Variants in PPP1R12B observed in about 807,000 individuals in gnomAD.
The protein encoded by PPP1R12B is protein phosphatase 1 regulatory subunit 12B.
A neutral mutation model predicts 126.1 loss-of-function variants in PPP1R12B; 76 were observed. The ratio of observed to expected loss-of-function variants is 0.60; its 90% CI spans 0.50 to 0.73. The LOEUF is 0.73. PPP1R12B is among the 30% of genes least tolerant of loss of function. The pLI is 0.00. For synonymous variants in PPP1R12B, 356 were observed against 434.7 expected (o/e 0.82, Z 2.25); for missense variants, 1,052 against 1,205.1 (o/e 0.87, Z 1.88).
chr1:202,507,648 T>G (rs914296804), intron 18 of PPP1R12B, among the ~76,000 whole-genome samples: 3 of 152,242 alleles, frequency 2.0e-5, no homozygotes, highest in Non-Finnish European at 4.4e-5. Flanking sequence ...CATTGTCAAC[T>G]TGAGCATTCC....
intron 18 of PPP1R12B, among the ~76,000 whole-genome samples, chr1:202,532,358 G>A (rs1684047168): frequency 6.6e-6 from 1 of 152,170 alleles, no homozygotes; most frequent in African/African-American, 2.4e-5. Context: ...CTGACCTCCT[G>A]TCTCATCCTG....
chr1:202,498,082 T>G (rs1679787892), intron 18 of PPP1R12B, among the ~76,000 whole-genome samples: 1 of 152,214 alleles, frequency 6.6e-6, no homozygotes, highest in African/African-American at 2.4e-5. Context: ...CAGTGAAAAT[T>G]CTATTCTCTA....
intron 18 of PPP1R12B, among the ~76,000 whole-genome samples, chr1:202,515,094 A>G (rs1558321285): frequency 2.6e-5 from 4 of 152,198 alleles, no homozygotes; most frequent in African/African-American, 7.2e-5. Context: ...CTAAGTGATG[A>G]GAACTTATGA....
Position 202,348,882 on chromosome 1 carries a change from C to T in PPP1R12B, c.31C>T (p.Arg11Trp), listed in dbSNP as rs974924403. The T allele has an allele frequency of 1.2e-6, 2 of 1,610,284 alleles. No homozygotes were observed. Among genetic ancestry groups the T allele is most frequent in the East Asian group, 2.2e-5 (1 of 44,848 alleles). The change falls in exon 1 of 24, where the codon CGG (arginine) becomes TGG (tryptophan). Residue 11 changes from arginine to tryptophan, a missense_variant. Coordinates refer to ENST00000608999, the MANE Select transcript of PPP1R12B (RefSeq NM_002481.4). MAELEHLGGKRAESARMRRAE... is the reference protein window; with the variant it reads MAELEHLGGKWAESARMRRAE... Reference sequence around the variant, plus strand: ...GGAACTGGAGCACCTAGGAGGGAAGCGGGCAGAGTCGGCGCGAATGCGGCG... The same window carrying T: ...GGAACTGGAGCACCTAGGAGGGAAGTGGGCAGAGTCGGCGCGAATGCGGCG...
rs1689955056 is a variant in PPP1R12B at position 202,588,461 on chromosome 1, T to C, written c.*7901T>C. Reference sequence around the variant, plus strand: ...TTTACTGGTTGTTGTTATATAGTTTTGAGTATTCTGTGTTTGAAAGTTTGG... The same window carrying C: ...TTTACTGGTTGTTGTTATATAGTTTCGAGTATTCTGTGTTTGAAAGTTTGG... On this transcript the variant is annotated 3_prime_UTR_variant, in exon 24 of 24. Transcript: ENST00000608999. 6.6e-6 allele frequency: 1 copy of C among 152,622 alleles called. No individual in the cohort carries two copies. Among genetic ancestry groups the C allele is most frequent in the South Asian group, 2.1e-4 (1 of 4,828 alleles). The allele number at this position is 152,622 out of a possible 1,614,324, so 9.5% of individuals were successfully genotyped here.
At chr1:202,349,325 C>G (rs1655486917) in intron 1 of PPP1R12B, among the ~76,000 whole-genome samples, 183 bp downstream of exon 1, 1 of 152,172 alleles carries the variant, frequency 6.6e-6, no homozygotes. Context: ...TTTCTGACCC[C>G]AGGGTCTTAG....
At chr1:202,420,336 G>T (rs1668586730) in intron 2 of PPP1R12B, among the ~76,000 whole-genome samples, 1 of 152,192 alleles carries the variant, frequency 6.6e-6, no homozygotes, top group African/African-American at 2.4e-5. Context: ...AGGGAATTCA[G>T]TTTGTGAGAA....
intron 1 of PPP1R12B, among the ~76,000 whole-genome samples, chr1:202,366,805 A>C (rs1659317433): frequency 6.6e-6 from 1 of 152,176 alleles, no homozygotes; most frequent in African/African-American, 2.4e-5. Flanking sequence ...TGGGTGCAAA[A>C]CGTAGAACCT....
At chr1:202,375,815 A>G (rs1661089672) in intron 1 of PPP1R12B, among the ~76,000 whole-genome samples, 1 of 152,206 alleles carries the variant, frequency 6.6e-6, no homozygotes, top group South Asian at 2.1e-4. Flanking sequence ...CAGACTCCCA[A>G]AATGCTGGCA....
At chr1:202,386,927 G>T (rs1473484229) in intron 1 of PPP1R12B, among the ~76,000 whole-genome samples, 2 of 152,170 alleles carry the variant, frequency 1.3e-5, no homozygotes, top group Non-Finnish European at 2.9e-5. Flanking sequence ...TTCTTTTACA[G>T]AGAGGAATGG....
Position 202,565,899 on chromosome 1 carries a change from A to C in PPP1R12B, c.2757+1352A>C, listed in dbSNP as rs1488385758. 2.8e-5 allele frequency among the ~76,000 whole-genome samples: 4 copies of C among 142,892 alleles called. No individual in the cohort carries two copies. Among genetic ancestry groups the C allele is most frequent in the East Asian group, 4.0e-4 (2 of 5,026 alleles). 93.7% of individuals were successfully genotyped at this position (142,892 alleles called of 152,430 possible). A position where few individuals can be genotyped will look rare whatever the true frequency, so the allele number is the denominator to read the frequency against. On this transcript the variant is annotated intron_variant, in intron 21 of 23. Coordinates refer to ENST00000608999, the MANE Select transcript of PPP1R12B (RefSeq NM_002481.4). This position sits in a 1 kb window ranked among gnomAD's most constrained non-coding sequence, Gnocchi z 4.3. ...TCACTCCAACATTATTGAGCCAGGC[A>C]AAAAAAAAAAAAAGTCTCATTCACA...
chr1:202,561,507 T>G (rs1000921957), intron 19 of PPP1R12B, among the ~76,000 whole-genome samples: 2 of 152,162 alleles, frequency 1.3e-5, no homozygotes, highest in African/African-American at 4.8e-5. Context: ...TGAATTTATT[T>G]ATAGAACTAT....
chr1:202,438,887 C>A, intron 10 of PPP1R12B: 2 of 1,434,042 alleles, frequency 1.4e-6, no homozygotes, highest in Non-Finnish European at 2.0e-6. Context: ...AGGGCAGGAG[C>A]CCATACATCC....
In PPP1R12B at chr1:202,586,904, A is replaced by G. The variant is rs1427283561; in HGVS notation, c.*6344A>G. ...TTGGATCTAGCTTATGTGCGTTCAC[A>G]TGCACATTTGCTAGCCCAGAGCTTT... On this transcript the variant is annotated 3_prime_UTR_variant, in exon 24 of 24. Transcript: ENST00000608999. 6.6e-6 allele frequency: 1 copy of G among 152,264 alleles called. No individual in the cohort carries two copies. Among genetic ancestry groups the G allele is most frequent in the African/African-American group, 2.4e-5 (1 of 41,462 alleles). The allele number at this position is 152,264 out of a possible 1,614,324, so 9.4% of individuals were successfully genotyped here. A position where few individuals can be genotyped will look rare whatever the true frequency, so the allele number is the denominator to read the frequency against.
chr1:202,526,178 A>T (rs1001141402), intron 18 of PPP1R12B, among the ~76,000 whole-genome samples: 1 of 152,226 alleles, frequency 6.6e-6, no homozygotes, highest in African/African-American at 2.4e-5. Context: ...AGATTCATCA[A>T]TGGTAACAAG....
intron 23 of PPP1R12B, among the ~76,000 whole-genome samples, chr1:202,578,395 G>A (rs1398420478): frequency 6.6e-6 from 1 of 152,190 alleles, no homozygotes. Flanking sequence ...GGGCGTTAAA[G>A]AGCAGATTGA....
chr1:202,438,225 A>G (rs78305367), intron 10 of PPP1R12B: 8 of 1,571,392 alleles, frequency 5.1e-6, no homozygotes, highest in Non-Finnish European at 6.9e-6. Context: ...AAAAGAAAAT[A>G]AAAAAGCTTT....
At chr1:202,446,780 T>G (rs1225279954) in intron 12 of PPP1R12B, among the ~76,000 whole-genome samples, 1 of 151,738 alleles carries the variant, frequency 6.6e-6, no homozygotes, top group Non-Finnish European at 1.5e-5. Context: ...GGTAAAGGTT[T>G]TTTTTTTTTT....
intron 8 of PPP1R12B, among the ~76,000 whole-genome samples, chr1:202,433,122 G>A (rs185847844): frequency 7.9e-4 from 120 of 152,320 alleles, no homozygotes; most frequent in Non-Finnish European, 1.5e-3. Flanking sequence ...ATCATGCACA[G>A]TATGCTCCGG....
Sources: allele counts gnomAD v4.1 joint callset (sites outside exome capture counted in the v4.1 genomes callset), GRCh38; gene constraint gnomAD v4.1.1; non-coding constraint Gnocchi (gnomAD v3.1); transcripts MANE v1.5; gene names NCBI Gene and HGNC (gene_info 2026-07-23, HGNC 2026-07-21).